VAPB: variants seen among roughly 807,000 people sequenced by gnomAD.
VAPB encodes vesicle-associated membrane protein-associated protein B/C.
A neutral mutation model predicts 25.6 loss-of-function variants in VAPB; 7 were observed. The ratio of observed to expected loss-of-function variants is 0.27; its 90% confidence interval spans 0.16 to 0.51. The LOEUF is 0.51. Among genes scored for constraint, VAPB ranks in the 20% least tolerant of loss-of-function variants. The pLI is 0.97. For synonymous variants in VAPB, 112 were observed against 109.2 expected (o/e 1.03, Z -0.16); for missense variants, 266 against 301.3 (o/e 0.88, Z 0.87).
intron 2 of VAPB, among the ~76,000 whole-genome samples, chr20:58,429,359 G>C (rs1988877315): frequency 1.3e-5 from 2 of 152,224 alleles, no homozygotes; most frequent in East Asian, 3.9e-4. Flanking sequence ...TGCTACCTCA[G>C]GCTGTCGCCG....
chr20:58,450,892 T>C lies in VAPB; in HGVS notation c.*6657T>C. 1 of 454,154 alleles carries C rather than the reference T, an allele frequency of 2.2e-6. No homozygotes were observed. The highest frequency in any genetic ancestry group is 4.4e-6 in the Non-Finnish European group (1 of 226,804). 28.1% of individuals were successfully genotyped at this position (454,154 alleles called of 1,614,324 possible). A position where few individuals can be genotyped will look rare whatever the true frequency, so the allele number is the denominator to read the frequency against. ...TTGCACATTTTGGTTTTCTGATATG[T>C]AATAAATTCATGGCTTGGCAGCTGA... On this transcript the variant is annotated 3_prime_UTR_variant, in exon 6 of 6. Transcript: ENST00000475243.
chr20:58,436,568 C>G (rs988278474), intron 3 of VAPB, among the ~76,000 whole-genome samples: 5 of 152,166 alleles, frequency 3.3e-5, no homozygotes, highest in African/African-American at 1.2e-4. Context: ...CTCAAGCGAT[C>G]TGCCCACCTC....
chr20:58,414,482 G>C (rs1441896033), intron 1 of VAPB, among the ~76,000 whole-genome samples: 28 of 151,726 alleles, frequency 1.8e-4, no homozygotes, highest in Non-Finnish European at 1.5e-5. Flanking sequence ...GCGGTTGCCG[G>C]GCAGAGGGTC....
At chr20:58,408,493 A>G (rs1568702851) in intron 1 of VAPB, among the ~76,000 whole-genome samples, 1 of 152,206 alleles carries the variant, frequency 6.6e-6, no homozygotes, top group Non-Finnish European at 1.5e-5. Context: ...TGAGCTAACA[A>G]TTCGATCAAG....
At chr20:58,433,301 T>G (rs897012992) in intron 2 of VAPB, among the ~76,000 whole-genome samples, 8 of 152,208 alleles carry the variant, frequency 5.3e-5, no homozygotes, top group Admixed American at 4.6e-4. Context: ...AGGGAGCCAC[T>G]TCACTTTGTG....
At chr20:58,399,646 G>A (rs2123025796) in intron 1 of VAPB, among the ~76,000 whole-genome samples, 1 of 151,716 alleles carries the variant, frequency 6.6e-6, no homozygotes, top group Middle Eastern at 3.4e-3. Flanking sequence ...AACCCAGGAG[G>A]GCAGAGGTTG....
Position 58,448,355 on chromosome 20 carries a change from G to T in VAPB, c.*4120G>T, listed in dbSNP as rs758486219. The stretch of plus-strand genomic sequence containing the variant: ...TTCCCTGGCCCCTTTTCCTCAGACA[G>T]ATCTGCTCTGATAGGAACCTTTTCA... On this transcript the variant is annotated 3_prime_UTR_variant, in exon 6 of 6. Transcript: ENST00000475243. The T allele has an allele frequency of 2.2e-6, 1 of 454,056 alleles. No homozygotes were observed. The highest frequency in any genetic ancestry group is 4.4e-6 in the Non-Finnish European group (1 of 226,780). 28.1% of individuals were successfully genotyped at this position (454,056 alleles called of 1,614,324 possible).
In VAPB at chr20:58,396,909, A is replaced by G. The variant is rs76184834; in HGVS notation, c.58+7392A>G. Among the ~76,000 whole-genome samples the G allele has an allele frequency of 1.9e-4, 27 of 143,566 alleles. No homozygotes were observed. The East Asian group carries it at 5.2e-3, about 28-fold the overall frequency. 94.2% of individuals were successfully genotyped at this position (143,566 alleles called of 152,430 possible). A position where few individuals can be genotyped will look rare whatever the true frequency, so the allele number is the denominator to read the frequency against. On this transcript the variant is annotated intron_variant, in intron 1 of 5. Coordinates refer to ENST00000475243, the MANE Select transcript of VAPB (RefSeq NM_004738.5). ...GTAACTTTCTGCTGGATGAGGCTGC[A>G]CTAGTAAATGGTGGCACAGGCAAAG...
chr20:58,401,363 T>TA (rs1192455964), intron 1 of VAPB, among the ~76,000 whole-genome samples: 1 of 152,150 alleles, frequency 6.6e-6, no homozygotes, highest in African/African-American at 2.4e-5. Context: ...CTTTCCTTCT[T>TA]ATCATGGTAA....
At chr20:58,437,947 T>C (rs1989084319) in intron 3 of VAPB, among the ~76,000 whole-genome samples, 1 of 152,200 alleles carries the variant, frequency 6.6e-6, no homozygotes, top group African/African-American at 2.4e-5. Context: ...GTGCCTTCTT[T>C]TTCTATATCA....
intron 5 of VAPB, among the ~76,000 whole-genome samples, chr20:58,443,400 T>TTTG (rs1490023510): frequency 5.5e-5 from 8 of 145,086 alleles, no homozygotes; most frequent in Non-Finnish European, 1.2e-4. Flanking sequence ...ACTTTTAGGT[T>TTTG]TTTTTTTTTT....
At chr20:58,429,060 A>G (rs1196921911) in intron 2 of VAPB, among the ~76,000 whole-genome samples, 3 of 152,160 alleles carry the variant, frequency 2.0e-5, no homozygotes, top group Non-Finnish European at 4.4e-5. Context: ...CTGAGATTGT[A>G]GGCGTGTAAA....
intron 1 of VAPB, among the ~76,000 whole-genome samples, chr20:58,410,865 CT>C (rs1988360858): frequency 6.6e-6 from 1 of 152,176 alleles, no homozygotes; most frequent in Non-Finnish European, 1.5e-5. Flanking sequence ...CTTTTCATGG[CT>C]TTATAGCTCA....
chr20:58,436,881 A>G (rs1989058834), intron 3 of VAPB, among the ~76,000 whole-genome samples: 1 of 151,974 alleles, frequency 6.6e-6, no homozygotes, highest in Admixed American at 6.5e-5. Context: ...GAAAAAAGTA[A>G]CTTCAATTCA....
chr20:58,410,660 G>T (rs970101472), intron 1 of VAPB, among the ~76,000 whole-genome samples: 2 of 151,572 alleles, frequency 1.3e-5, no homozygotes, highest in Non-Finnish European at 2.9e-5. Flanking sequence ...CAAGTGATCC[G>T]CCCCCCCGCC....
At chr20:58,420,187 G>A (rs578154899) in intron 2 of VAPB, among the ~76,000 whole-genome samples, 4 of 152,284 alleles carry the variant, frequency 2.6e-5, no homozygotes, top group East Asian at 3.9e-4. Flanking sequence ...GTTTCACCAT[G>A]TTGGCTAGGC....
chr20:58,444,161 C>G lies in VAPB; in HGVS notation c.658C>G (p.Leu220Val). ...AGCCCCAACTGGGAAGGAAGAAGGCCTTAGCACCCGGCTCTTGGCTCTGGT... is the reference window on the plus strand; with the variant it reads ...AGCCCCAACTGGGAAGGAAGAAGGCGTTAGCACCCGGCTCTTGGCTCTGGT... ...ALAPTGKEEG[L>V]STRLLALVVL... Residue 220 changes from leucine to valine, a missense_variant, in exon 6 of 6, where the codon CTT becomes GTT. This residue lies in a region of VAPB where 136 missense variants were observed against 130.7 expected (regional missense o/e 1.04). Transcript: ENST00000475243. 1 of 1,614,158 alleles carries G rather than the reference C, an allele frequency of 6.2e-7. No homozygotes were observed. The highest frequency in any genetic ancestry group is 8.5e-7 in the Non-Finnish European group (1 of 1,180,016).
intron 1 of VAPB, among the ~76,000 whole-genome samples, chr20:58,392,318 G>C (rs1031611944): frequency 6.6e-6 from 1 of 152,202 alleles, no homozygotes; most frequent in Non-Finnish European, 1.5e-5. Flanking sequence ...GTACCTGAAA[G>C]GTGTGGCAGA....
At position 58,434,663 on chromosome 20, in the gene VAPB, G is replaced by A. The variant is rs1235253799; in HGVS notation, c.273G>A (p.Gln91=). The part of the protein sequence containing the change: ...NEKSKHKFMV[Q]SMFAPTDTSD... Reference sequence around the variant, plus strand: ...AAAGTAAACACAAGTTTATGGTTCAGTCTATGTTTGCTCCAACTGACACTT... The same window carrying A: ...AAAGTAAACACAAGTTTATGGTTCAATCTATGTTTGCTCCAACTGACACTT... The change falls in exon 3 of 6, where the codon CAG becomes CAA. Residue 91 remains glutamine (Q), a synonymous_variant. Transcript: ENST00000475243. 1.0e-5 allele frequency: 16 copies of A among 1,599,976 alleles called. No individual in the cohort carries two copies. Among genetic ancestry groups the A allele is most frequent in the Non-Finnish European group, 1.4e-5 (16 of 1,167,622 alleles).
Sources: allele counts gnomAD v4.1 joint callset (sites outside exome capture counted in the v4.1 genomes callset), GRCh38; gene constraint gnomAD v4.1.1; regional missense constraint gnomAD v4.1.1; transcripts MANE v1.5; gene names NCBI Gene and HGNC (gene_info 2026-07-23, HGNC 2026-07-21).